Variants in COX7B2 observed in about 807,000 individuals in gnomAD.
The protein encoded by COX7B2 is cytochrome c oxidase subunit 7B2, mitochondrial.
For missense variants in COX7B2, 109 were observed against 95.9 expected, an observed-to-expected ratio of 1.14 and a Z score of -0.57; for synonymous variants, 37 against 32.1, an observed-to-expected ratio of 1.15 and a Z score of -0.51.
intron 2 of COX7B2, among the ~76,000 whole-genome samples, chr4:46,803,904 T>C (rs1168319088): frequency 2.6e-5 from 4 of 152,144 alleles, no homozygotes; most frequent in Non-Finnish European, 4.4e-5. Context: ...TCGAGGTCTC[T>C]TAGGAAAACA....
At chr4:46,797,965 A>G (rs1037630566) in intron 2 of COX7B2, among the ~76,000 whole-genome samples, 4 of 152,204 alleles carry the variant, frequency 2.6e-5, no homozygotes, top group African/African-American at 9.7e-5. Context: ...CCACAGGATT[A>G]TATAAACTGG....
chr4:46,797,788 C>T (rs1718442505), intron 2 of COX7B2, among the ~76,000 whole-genome samples: 1 of 152,190 alleles, frequency 6.6e-6, no homozygotes. Context: ...CTAATTGCAG[C>T]TGCTGTGCCA....
intron 2 of COX7B2, among the ~76,000 whole-genome samples, chr4:46,779,472 G>A (rs917138693): frequency 6.6e-6 from 1 of 152,182 alleles, no homozygotes; most frequent in African/African-American, 2.4e-5. Flanking sequence ...ATAATGCTGT[G>A]ATGAACATGG....
intron 2 of COX7B2, among the ~76,000 whole-genome samples, chr4:46,785,726 G>A (rs1204180575): frequency 6.6e-6 from 1 of 151,966 alleles, no homozygotes; most frequent in East Asian, 1.9e-4. Context: ...AAGAAAGCCT[G>A]GGTGGACAGG....
chr4:46,846,346 G>C (rs1286570276), intron 1 of COX7B2, among the ~76,000 whole-genome samples: 1 of 151,720 alleles, frequency 6.6e-6, no homozygotes, highest in Non-Finnish European at 1.5e-5. Flanking sequence ...TAAATATAAT[G>C]AATAACCTAT....
chr4:46,880,993 T>TAAAAAAAAAAAAAAAAAAAAA (rs1215385422), intron 1 of COX7B2, among the ~76,000 whole-genome samples: 40 of 102,708 alleles, frequency 3.9e-4, no homozygotes, highest in Non-Finnish European at 6.1e-4. Context: ...TAGAGTATAA[T>TAAAAAAAAAAAAAAAAAAAAA]AAAAAAAAAA....
intron 2 of COX7B2, among the ~76,000 whole-genome samples, chr4:46,739,893 T>C (rs1256817130): frequency 2.0e-5 from 3 of 152,132 alleles, no homozygotes; most frequent in Non-Finnish European, 2.9e-5. Context: ...TTTGACTCAA[T>C]TCTACAGGTC....
intron 2 of COX7B2, among the ~76,000 whole-genome samples, chr4:46,735,699 A>G (rs1294739010): frequency 6.6e-6 from 1 of 151,962 alleles, no homozygotes; most frequent in Non-Finnish European, 1.5e-5. Flanking sequence ...TACAGGCAAA[A>G]TTCTGCTTGC....
At chr4:46,890,945 C>A (rs545917787) in intron 1 of COX7B2, among the ~76,000 whole-genome samples, 1 of 152,006 alleles carries the variant, frequency 6.6e-6, no homozygotes, top group Admixed American at 6.6e-5. Context: ...GGAGGCAAGA[C>A]GAAATGCAAG....
intron 2 of COX7B2, among the ~76,000 whole-genome samples, chr4:46,819,835 C>T (rs893117501): frequency 1.3e-5 from 2 of 152,190 alleles, no homozygotes; most frequent in South Asian, 4.1e-4. Flanking sequence ...GGCATGGTCA[C>T]AATTACCTTG....
chr4:46,859,804 G>T (rs1717226907), intron 1 of COX7B2, among the ~76,000 whole-genome samples: 1 of 152,130 alleles, frequency 6.6e-6, no homozygotes, highest in Non-Finnish European at 1.5e-5. Context: ...AAGTTGCCAT[G>T]TCTTTTCTAG....
intron 2 of COX7B2, among the ~76,000 whole-genome samples, chr4:46,755,753 C>G (rs939479919): frequency 1.3e-5 from 2 of 151,814 alleles, no homozygotes; most frequent in Non-Finnish European, 2.9e-5. Flanking sequence ...TGTATTTAAC[C>G]AAGGAGGTGA....
chr4:46,825,547 G>A (rs1322255248), intron 2 of COX7B2, among the ~76,000 whole-genome samples: 1 of 152,030 alleles, frequency 6.6e-6, no homozygotes, highest in Non-Finnish European at 1.5e-5. Flanking sequence ...TAATTCACAT[G>A]GAACCAAAAA....
chr4:46,744,118 T>G (rs1714875906), intron 2 of COX7B2, among the ~76,000 whole-genome samples: 1 of 152,124 alleles, frequency 6.6e-6, no homozygotes, highest in Non-Finnish European at 1.5e-5. Flanking sequence ...GTTTTTTTTT[T>G]GTATAAACAT....
chr4:46,756,476 G>C (rs185867492), intron 2 of COX7B2, among the ~76,000 whole-genome samples: 17 of 152,128 alleles, frequency 1.1e-4, no homozygotes. Context: ...AAAAGCTTCT[G>C]TACAGCAAAA....
At chr4:46,882,703 T>G (rs1477313101) in intron 1 of COX7B2, among the ~76,000 whole-genome samples, 1 of 152,132 alleles carries the variant, frequency 6.6e-6, no homozygotes, top group Non-Finnish European at 1.5e-5. Flanking sequence ...ATGAGATGGG[T>G]CTCTTGAGGA....
chr4:46,849,073 A>G (rs1186224705), intron 1 of COX7B2, among the ~76,000 whole-genome samples: 1 of 152,044 alleles, frequency 6.6e-6, no homozygotes, highest in Non-Finnish European at 1.5e-5. Context: ...TCTTTCCCCA[A>G]ATATTTTAAA....
chr4:46,871,965 T>C (rs1718021247), intron 1 of COX7B2, among the ~76,000 whole-genome samples: 1 of 152,158 alleles, frequency 6.6e-6, no homozygotes, highest in Non-Finnish European at 1.5e-5. Flanking sequence ...GCAATCCTAT[T>C]ATTGGGTATA....
At position 46,820,842 on chromosome 4, in the gene COX7B2, T is replaced by A. The variant is rs1309897567; in HGVS notation, c.-50+24118A>T. Among the ~76,000 whole-genome samples, 230 of 146,160 alleles carry A rather than the reference T, an allele frequency of 1.6e-3. 2 individuals carry two copies. The highest frequency in any genetic ancestry group is 7.2e-4 in the Non-Finnish European group (48 of 66,752). ...ATCTCAAAAAAAAAAAAAATATATA[T>A]ATATATATATAGATAGATAGATATT... On this transcript the variant is annotated intron_variant, in intron 2 of 2. Transcript: ENST00000355591.
Sources: allele counts gnomAD v4.1 joint callset (sites outside exome capture counted in the v4.1 genomes callset), GRCh38; gene constraint gnomAD v4.1.1; transcripts MANE v1.5; gene names NCBI Gene and HGNC (gene_info 2026-07-23, HGNC 2026-07-21).